Variants in KDSR observed in about 807,000 individuals in gnomAD.
KDSR encodes the protein 3-ketodihydrosphingosine reductase, also known as 3-dehydrosphinganine reductase.
In KDSR, 23 loss-of-function variants were observed where a neutral mutation model predicts 41.3. The ratio of observed to expected loss-of-function variants is 0.56; its 90% CI spans 0.40 to 0.79. KDSR has a LOEUF of 0.79. Among genes scored for constraint, KDSR ranks in the 30% least tolerant of loss-of-function variants. KDSR has a pLI of 0.00. For missense variants in KDSR, 351 were observed against 416.8 expected (o/e 0.84, Z 1.37); for synonymous variants, 138 against 151.7 (o/e 0.91, Z 0.66).
intron 2 of KDSR, among the ~76,000 whole-genome samples, chr18:63,361,403 T>C (rs1041010705): frequency 2.0e-5 from 3 of 151,914 alleles, no homozygotes; most frequent in Non-Finnish European, 4.4e-5. Flanking sequence ...TGCCATTTCA[T>C]CAAATTTGTG....
At chr18:63,363,372 TC>T (rs1199518268) in intron 1 of KDSR, among the ~76,000 whole-genome samples, 1 of 66,186 alleles carries the variant, frequency 1.5e-5, no homozygotes, top group African/African-American at 6.4e-5. Context: ...CCCTCCCCCC[TC>T]CCCCGACCCC....
At chr18:63,358,814 CAAAA>C (rs10652370) in intron 3 of KDSR, among the ~76,000 whole-genome samples, 1 of 62,652 alleles carries the variant, frequency 1.6e-5, no homozygotes. Context: ...GACTCTGTCT[CAAAA>C]AAAAAAAAAA....
chr18:63,359,170 C>T (rs1283237150), intron 3 of KDSR, among the ~76,000 whole-genome samples: 1 of 109,156 alleles, frequency 9.2e-6, no homozygotes, highest in Non-Finnish European at 1.7e-5. Flanking sequence ...CAGATTGAGA[C>T]ACTGCCTCAA....
chr18:63,337,113 A>AATATATATATATATATATGTGAATAT (rs1914192518), intron 8 of KDSR, among the ~76,000 whole-genome samples: 5 of 127,774 alleles, frequency 3.9e-5, no homozygotes, highest in East Asian at 2.1e-4. Flanking sequence ...TATATATGTG[A>AATATATATATATATATATGTGAATAT]ATATATATAT....
rs867414792 is a variant in KDSR at position 63,362,960 on chromosome 18, G to T, written c.109-92C>A. ...AACAACTATGACAGGCTCTTAAAATGAATCTACAAGAACTAAATGATTAGC... is the reference window on the plus strand; with the variant it reads ...AACAACTATGACAGGCTCTTAAAATTAATCTACAAGAACTAAATGATTAGC... On this transcript the variant is annotated intron_variant, in intron 1 of 9. Transcript: ENST00000645214. The T allele has an allele frequency of 3.0e-5, 23 of 771,854 alleles. No individual in the cohort carries two copies. The African/African-American group carries it at 3.5e-4, about 12-fold the overall frequency. The allele number at this position is 771,854 out of a possible 1,614,324, so 47.8% of individuals were successfully genotyped here. A position where few individuals can be genotyped will look rare whatever the true frequency, so the allele number is the denominator to read the frequency against.
chr18:63,335,548 G>GGA (rs1219297025), intron 8 of KDSR, 190 bp from the exon 9 acceptor site: 1 of 545,104 alleles, frequency 1.8e-6, no homozygotes, highest in African/African-American at 1.9e-5. Context: ...GTGAGTCCAC[G>GGA]GACCCCTGCG....
intron 2 of KDSR, among the ~76,000 whole-genome samples, chr18:63,361,269 T>C (rs920694907): frequency 2.1e-5 from 3 of 144,802 alleles, no homozygotes; most frequent in South Asian, 2.2e-4. Context: ...AGGTTCTTCA[T>C]TCAGTTCATT....
At chr18:63,359,111 C>T (rs916935898) in intron 3 of KDSR, among the ~76,000 whole-genome samples, 5 of 125,722 alleles carry the variant, frequency 4.0e-5, no homozygotes, top group Non-Finnish European at 7.9e-5. Context: ...CCCAGGAGGT[C>T]GAGGCTGCAG....
chr18:63,357,584 A>ATT (rs1310244480), intron 3 of KDSR, among the ~76,000 whole-genome samples: 12 of 59,632 alleles, frequency 2.0e-4, no homozygotes, highest in African/African-American at 8.4e-4. Flanking sequence ...ATATATATAT[A>ATT]TATATATATA....
At position 63,362,767 on chromosome 18, in the gene KDSR, T is replaced by C; in HGVS notation, c.198+12A>G. The C allele has an allele frequency of 6.3e-7, 1 of 1,582,508 alleles. No individual in the cohort carries two copies. ...AGAAGCAAGTCAGTAATAATGAACC[T>C]AGAAGCCTTACCTCATTTCGTGCAA... On this transcript the variant is annotated intron_variant, in intron 2 of 9. Transcript: ENST00000645214.
At position 63,330,207 on chromosome 18, in the gene KDSR, A is replaced by G. The variant is rs1913937971; in HGVS notation, c.*1575T>C. 5.0e-6 allele frequency: 1 copy of G among 200,928 alleles called. No homozygotes were observed. The highest frequency in any genetic ancestry group is 1.0e-5 in the Non-Finnish European group (1 of 97,626). 12.4% of individuals were successfully genotyped at this position (200,928 alleles called of 1,614,324 possible). On this transcript the variant is annotated 3_prime_UTR_variant, in exon 10 of 10. Coordinates refer to ENST00000645214, the MANE Select transcript of KDSR (RefSeq NM_002035.4). ...GTATGCTATAATTTTTAGGTCTTCAATTTTTGTATAGAGTTTTTATGTTTT... is the reference window on the plus strand; with the variant it reads ...GTATGCTATAATTTTTAGGTCTTCAGTTTTTGTATAGAGTTTTTATGTTTT...
rs1913892254 is a variant in KDSR, at chr18:63,328,938, T to A, written c.*2844A>T. 1 of 192,286 alleles carries A rather than the reference T, an allele frequency of 5.2e-6. No individual in the cohort carries two copies. The highest frequency in any genetic ancestry group is 1.1e-5 in the Non-Finnish European group (1 of 92,084). The allele number at this position is 192,286 out of a possible 1,614,324, so 11.9% of individuals were successfully genotyped here. A position where few individuals can be genotyped will look rare whatever the true frequency, so the allele number is the denominator to read the frequency against. On this transcript the variant is annotated 3_prime_UTR_variant, in exon 10 of 10. Transcript: ENST00000645214. ...GAAGGCCAACATTTAAACTGAATGA[T>A]AATTAAACGTTTACTACCATAGGTA... is the stretch of plus-strand genomic sequence containing the variant.
In KDSR at chr18:63,335,345, T is replaced by G. The variant is rs749358661; in HGVS notation, c.791A>C (p.Asn264Thr). ...GTACCCATCTGAGCCAAGGGAACTGTTGAAATTTCCTTGCTAAAAGAGAAG... is the reference window on the plus strand; with the variant it reads ...GTACCCATCTGAGCCAAGGGAACTGGTGAAATTTCCTTGCTAAAAGAGAAG... ...IVKDAIQGNF[N>T]SSLGSDGYML... Residue 264 changes from asparagine (N) to threonine (T), a missense_variant, in exon 9 of 10, where the codon AAC (asparagine) becomes ACC (threonine). Transcript: ENST00000645214. 1.2e-6 allele frequency: 2 copies of G among 1,612,482 alleles called. No homozygotes were observed. The highest frequency in any genetic ancestry group is 1.7e-6 in the Non-Finnish European group (2 of 1,178,670).
intron 1 of KDSR, among the ~76,000 whole-genome samples, 156 bp downstream of exon 1, chr18:63,366,855 A>G (rs1453351543): frequency 6.6e-6 from 1 of 151,966 alleles, no homozygotes; most frequent in Non-Finnish European, 1.5e-5. Context: ...GCCGGGGGAA[A>G]AGCGCCGGGG....
Position 63,335,308 on chromosome 18 carries a change from G to C in KDSR, c.828C>G (p.Ala276=). The C allele has an allele frequency of 6.2e-7, 1 of 1,614,004 alleles. No individual in the cohort carries two copies. Among genetic ancestry groups the C allele is most frequent in the African/African-American group, 1.3e-5 (1 of 74,998 alleles). Residue 276 remains alanine (A), a synonymous_variant, in exon 9 of 10, where the codon GCC becomes GCG. Transcript: ENST00000645214. ...TTACTGGAGCCATCCCACAGGTCAG[G>C]GCCGAGAGCATGTACCCATCTGAGC... The part of the protein sequence containing the change: ...SLGSDGYMLS[A]LTCGMAPVTS...
intron 1 of KDSR, chr18:63,365,911 T>C (rs1304481451): frequency 6.6e-6 from 1 of 152,224 alleles, no homozygotes; most frequent in African/African-American, 2.4e-5. Context: ...CAGATACATT[T>C]TCTCATTCAC....
At chr18:63,362,967 C>A in intron 1 of KDSR, 99 bp from the exon 2 acceptor site, 2 of 748,182 alleles carry the variant, frequency 2.7e-6, no homozygotes, top group Non-Finnish European at 4.6e-6. Flanking sequence ...AATGAATCTA[C>A]AAGAACTAAA....
chr18:63,361,017 A>ATATATATATAATATAT (rs761703297), intron 2 of KDSR, among the ~76,000 whole-genome samples: 2 of 106,894 alleles, frequency 1.9e-5, no homozygotes, highest in Admixed American at 2.3e-4. Context: ...TATATATATA[A>ATATATATATAATATAT]AATATATAAT....
At chr18:63,351,618 G>A (rs957871483) in intron 5 of KDSR, among the ~76,000 whole-genome samples, 10 of 152,160 alleles carry the variant, frequency 6.6e-5, no homozygotes, top group South Asian at 4.1e-4. Flanking sequence ...GGGTATGACC[G>A]CATAGGGCTG....
Sources: allele counts gnomAD v4.1 joint callset (sites outside exome capture counted in the v4.1 genomes callset), GRCh38; gene constraint gnomAD v4.1.1; transcripts MANE v1.5; gene names NCBI Gene and HGNC (gene_info 2026-07-23, HGNC 2026-07-21).